IGF2BP2: variants seen among roughly 807,000 people sequenced by gnomAD.
The protein encoded by IGF2BP2 is insulin like growth factor 2 mRNA binding protein 2, also known as insulin-like growth factor 2 mRNA-binding protein 2.
Under a neutral mutation model 75.8 loss-of-function variants are expected in IGF2BP2, and 17 were observed. That is an observed-to-expected ratio of 0.22 (90% confidence interval 0.15 to 0.34). The LOEUF (loss-of-function observed/expected upper bound fraction) is 0.34, where lower values mean the gene tolerates loss of function less well. Ranked by LOEUF, IGF2BP2 falls within the 10% of genes least tolerant of loss-of-function variation. The pLI is 1.00. For synonymous variants in IGF2BP2, 288 were observed against 295.6 expected (o/e 0.97, Z 0.26); for missense variants, 516 against 772.4 (o/e 0.67, Z 3.93).
intron 6 of IGF2BP2, among the ~76,000 whole-genome samples, 180 bp from the exon 7 acceptor site, chr3:185,687,371 G>T (rs1030761208): frequency 1.3e-5 from 2 of 152,214 alleles, no homozygotes; most frequent in African/African-American, 4.8e-5. Flanking sequence ...GGGGTCTTGT[G>T]CCAAATTTTA....
chr3:185,759,372 G>C (rs1242565786), intron 2 of IGF2BP2, among the ~76,000 whole-genome samples: 1 of 152,180 alleles, frequency 6.6e-6, no homozygotes, highest in African/African-American at 2.4e-5. Context: ...AGTTGAATGT[G>C]TTTCAAGTTC....
At chr3:185,805,623 C>T (rs1350522032) in intron 2 of IGF2BP2, among the ~76,000 whole-genome samples, 2 of 152,192 alleles carry the variant, frequency 1.3e-5, no homozygotes, top group Non-Finnish European at 2.9e-5. Context: ...TCTTTGGGTG[C>T]ATATCCACAG....
chr3:185,776,253 A>G (rs1022083129), intron 2 of IGF2BP2, among the ~76,000 whole-genome samples: 1 of 152,208 alleles, frequency 6.6e-6, no homozygotes, highest in Non-Finnish European at 1.5e-5. Context: ...CTCTAAAAAA[A>G]TAATAAATAA....
At chr3:185,698,721 CGGGTT>C in intron 2 of IGF2BP2, among the ~76,000 whole-genome samples, 1 of 152,072 alleles carries the variant, frequency 6.6e-6, no homozygotes, top group East Asian at 1.9e-4. Context: ...CTCTGCCTCC[CGGGTT>C]CAAGCGATTC....
In IGF2BP2 at chr3:185,649,462, C is replaced by A; in HGVS notation, c.1534G>T (p.Ala512Ser). ...FNPKEEVKLEAHIRVPSSTAG... is the reference protein window; with the variant it reads ...FNPKEEVKLESHIRVPSSTAG... ...GTGGAAGAGGGCACTCTGATATGCG[C>A]TTCCAGCTTCACTTCTTCTTTGGGG... Residue 512 changes from alanine (A) to serine (S), a missense_variant, in exon 14 of 16, where the codon GCG becomes TCG. Transcript: ENST00000382199. The A allele has an allele frequency of 6.2e-7, 1 of 1,614,168 alleles. No individual in the cohort carries two copies. Among genetic ancestry groups the A allele is most frequent in the East Asian group, 2.2e-5 (1 of 44,874 alleles).
chr3:185,717,216 G>C lies in IGF2BP2; in HGVS notation c.240-18869C>G, dbSNP rs889797712. 4 of 173,160 alleles carry C rather than the reference G, an allele frequency of 2.3e-5. No homozygotes were observed. In the South Asian group the frequency reaches 5.7e-4, roughly 24 times the overall value. 10.7% of individuals were successfully genotyped at this position (173,160 alleles called of 1,614,324 possible). A position where few individuals can be genotyped will look rare whatever the true frequency, so the allele number is the denominator to read the frequency against. ...TCTATTTATTGGGAGGCCACAAACA[G>C]AAAGAGTGGGCATCAGGACCAACGG... is the stretch of plus-strand genomic sequence containing the variant. On this transcript the variant is annotated intron_variant, in intron 2 of 15. Coordinates refer to ENST00000382199, the MANE Select transcript of IGF2BP2 (RefSeq NM_006548.6).
At chr3:185,709,685 C>T (rs1343627963) in intron 2 of IGF2BP2, among the ~76,000 whole-genome samples, 1 of 152,170 alleles carries the variant, frequency 6.6e-6, no homozygotes, top group Non-Finnish European at 1.5e-5. Flanking sequence ...TAATATAGCC[C>T]TAAATCTACC....
chr3:185,739,369 G>T (rs1388838038), intron 2 of IGF2BP2, among the ~76,000 whole-genome samples: 1 of 152,146 alleles, frequency 6.6e-6, no homozygotes, highest in Non-Finnish European at 1.5e-5. Context: ...ACTGTAAAAA[G>T]ATAGCATTCC....
At chr3:185,692,312 C>T (rs1017801989) in intron 5 of IGF2BP2, among the ~76,000 whole-genome samples, 8 of 152,170 alleles carry the variant, frequency 5.3e-5, no homozygotes, top group Admixed American at 6.5e-5. Flanking sequence ...TAAAAGTGGT[C>T]CCAAGTGTTT....
chr3:185,749,381 G>C (rs1448875133), intron 2 of IGF2BP2, among the ~76,000 whole-genome samples: 2 of 152,194 alleles, frequency 1.3e-5, no homozygotes, highest in Non-Finnish European at 2.9e-5. Flanking sequence ...AACTCACTTA[G>C]AGGAATTAAA....
intron 4 of IGF2BP2, 33 bp from the exon 5 acceptor site, chr3:185,692,795 GA>G (rs1307620075): frequency 1.2e-6 from 2 of 1,604,840 alleles, no homozygotes; most frequent in African/African-American, 1.3e-5. Context: ...ACTGTCATAG[GA>G]AAAAGTGCTG....
chr3:185,809,813 G>T (rs1012236068), intron 2 of IGF2BP2, among the ~76,000 whole-genome samples: 2 of 152,088 alleles, frequency 1.3e-5, no homozygotes, highest in African/African-American at 4.8e-5. Flanking sequence ...TGATATTACA[G>T]CTTCAATCTT....
At chr3:185,793,164 G>T (rs568484551) in intron 2 of IGF2BP2, among the ~76,000 whole-genome samples, 1 of 152,298 alleles carries the variant, frequency 6.6e-6, no homozygotes, top group South Asian at 2.1e-4. Flanking sequence ...AGGAGTGTTT[G>T]CAGTCCAGCA....
intron 2 of IGF2BP2, among the ~76,000 whole-genome samples, chr3:185,802,972 C>T (rs1052841418): frequency 1.3e-5 from 2 of 152,190 alleles, no homozygotes; most frequent in African/African-American, 4.8e-5. Context: ...TCAGAGGTTA[C>T]CCACAGCACT....
intron 2 of IGF2BP2, among the ~76,000 whole-genome samples, chr3:185,806,384 CATCT>C (rs1465229422): frequency 2.0e-5 from 3 of 152,076 alleles, no homozygotes; most frequent in Non-Finnish European, 4.4e-5. Flanking sequence ...CATAAAAAAG[CATCT>C]ATCTATCCTA....
At chr3:185,740,453 C>A (rs114383204) in intron 2 of IGF2BP2, among the ~76,000 whole-genome samples, 3,543 of 152,248 alleles carry the variant, frequency 0.023, 67 homozygotes, top group Middle Eastern at 0.054. Context: ...TAAATGTCTA[C>A]CTGCTGAGTT....
chr3:185,727,671 T>C (rs1006569690), intron 2 of IGF2BP2, among the ~76,000 whole-genome samples: 4 of 152,162 alleles, frequency 2.6e-5, no homozygotes, highest in African/African-American at 9.7e-5. Context: ...AAACTAAAAA[T>C]GCAATCATGA....
intron 2 of IGF2BP2, among the ~76,000 whole-genome samples, chr3:185,782,458 G>T (rs1735335768): frequency 6.6e-6 from 1 of 151,928 alleles, no homozygotes. Context: ...GACTATCTCT[G>T]CTTGGAATTA....
chr3:185,656,679 C>G (rs1278561685), intron 12 of IGF2BP2, among the ~76,000 whole-genome samples: 4 of 152,216 alleles, frequency 2.6e-5, no homozygotes, highest in Non-Finnish European at 4.4e-5. Flanking sequence ...ATAATCCTCC[C>G]CTTTCAGCTT....
Sources: allele counts gnomAD v4.1 joint callset (sites outside exome capture counted in the v4.1 genomes callset), GRCh38; gene constraint gnomAD v4.1.1; transcripts MANE v1.5; gene names NCBI Gene and HGNC (gene_info 2026-07-23, HGNC 2026-07-21).